Variants in FNIP1 observed in about 807,000 individuals in gnomAD.
The protein encoded by FNIP1 is folliculin interacting protein 1, also known as folliculin-interacting protein 1.
Under a neutral mutation model 124.5 loss-of-function variants are expected in FNIP1, and 40 were observed. That is an observed-to-expected ratio of 0.32 (90% CI 0.25 to 0.42). The LOEUF is 0.42. Ranked by LOEUF, FNIP1 falls within the 10% of genes least tolerant of loss-of-function variation. The pLI, the probability that FNIP1 is intolerant of heterozygous loss-of-function variation, is 1.00. For synonymous variants in FNIP1, 472 were observed against 470.6 expected (o/e 1.00, Z -0.04); for missense variants, 1,176 against 1,403.7 (o/e 0.84, Z 2.59).
At chr5:131,736,711 C>G (rs1770317818) in intron 2 of FNIP1, among the ~76,000 whole-genome samples, 1 of 152,210 alleles carries the variant, frequency 6.6e-6, no homozygotes, top group Non-Finnish European at 1.5e-5. Flanking sequence ...AGATTCTCAA[C>G]TGGATCCTTT....
At chr5:131,682,634 T>C (rs550623030) in intron 11 of FNIP1, among the ~76,000 whole-genome samples, 1 of 152,110 alleles carries the variant, frequency 6.6e-6, no homozygotes, top group East Asian at 1.9e-4. Flanking sequence ...CAAGAATCAC[T>C]TGAACCTGGG....
At chr5:131,699,391 A>G (rs1580765813) in intron 10 of FNIP1, among the ~76,000 whole-genome samples, 1 of 147,068 alleles carries the variant, frequency 6.8e-6, no homozygotes, top group East Asian at 2.0e-4. Context: ...ACTTCTGTTA[A>G]CTCCTTTTTT....
intron 11 of FNIP1, among the ~76,000 whole-genome samples, chr5:131,679,766 T>C (rs1462929909): frequency 6.6e-6 from 1 of 152,230 alleles, no homozygotes; most frequent in Non-Finnish European, 1.5e-5. Context: ...ATCACACAAT[T>C]AGCACAGTGC....
chr5:131,739,609 G>A (rs1770440053), intron 2 of FNIP1, among the ~76,000 whole-genome samples: 2 of 151,906 alleles, frequency 1.3e-5, no homozygotes, highest in African/African-American at 2.4e-5. Flanking sequence ...GTCAGGAGAT[G>A]GAGAACACCC....
intron 1 of FNIP1, among the ~76,000 whole-genome samples, chr5:131,774,916 GTATCTTCT>G (rs1771752764): frequency 6.6e-6 from 1 of 152,076 alleles, no homozygotes; most frequent in African/African-American, 2.4e-5. Flanking sequence ...AACTGCTATG[GTATCTTCT>G]ATTAATTTAT....
At chr5:131,763,521 T>C (rs935648362) in intron 1 of FNIP1, among the ~76,000 whole-genome samples, 4 of 151,980 alleles carry the variant, frequency 2.6e-5, no homozygotes, top group Non-Finnish European at 5.9e-5. Flanking sequence ...AAACTTATAT[T>C]TGTGGAGAAA....
At chr5:131,732,535 G>C (rs1049336432) in intron 2 of FNIP1, among the ~76,000 whole-genome samples, 12 of 152,166 alleles carry the variant, frequency 7.9e-5, no homozygotes, top group African/African-American at 2.9e-4. Context: ...TCCAGTTTCA[G>C]CTTTCTACAT....
At chr5:131,753,177 G>A (rs1396943331) in intron 1 of FNIP1, among the ~76,000 whole-genome samples, 1 of 152,128 alleles carries the variant, frequency 6.6e-6, no homozygotes, top group African/African-American at 2.4e-5. Context: ...ATAATATGAA[G>A]CCCTTGGAAC....
chr5:131,793,585 A>G (rs969901215), intron 1 of FNIP1, among the ~76,000 whole-genome samples: 2 of 152,222 alleles, frequency 1.3e-5, no homozygotes, highest in African/African-American at 4.8e-5. Flanking sequence ...CGATATGGTA[A>G]GAGACCTTAG....
intron 2 of FNIP1, among the ~76,000 whole-genome samples, chr5:131,732,565 A>G (rs1580793565): frequency 6.6e-6 from 1 of 152,174 alleles, no homozygotes; most frequent in Non-Finnish European, 1.5e-5. Context: ...CAGTTTTCCC[A>G]GCACCATTTG....
Position 131,779,663 on chromosome 5 carries a change from G to T in FNIP1, c.92+17167C>A, listed in dbSNP as rs1580833222. Among the ~76,000 whole-genome samples, 3 of 150,442 alleles carry T rather than the reference G, an allele frequency of 2.0e-5. No individual in the cohort carries two copies. The South Asian group carries it at 6.3e-4, about 31-fold the overall frequency. On this transcript the variant is annotated intron_variant, in intron 1 of 17. Transcript: ENST00000510461. ...ATATCGCACCACTGCACTCCAGCCT[G>T]GGCAACAGAGTGAGATTCTGTTTCA... is the stretch of plus-strand genomic sequence containing the variant.
intron 13 of FNIP1, among the ~76,000 whole-genome samples, chr5:131,675,039 C>T (rs1767872542): frequency 6.6e-6 from 1 of 152,196 alleles, no homozygotes; most frequent in African/African-American, 2.4e-5. Context: ...TCCCACTTTA[C>T]TTTTCCAGCT....
intron 13 of FNIP1, among the ~76,000 whole-genome samples, 186 bp from the exon 14 acceptor site, chr5:131,673,110 C>T (rs995494191): frequency 6.6e-6 from 1 of 150,854 alleles, no homozygotes; most frequent in Non-Finnish European, 1.5e-5. Flanking sequence ...TGCAGTGGTA[C>T]AATCATGGTT....
At chr5:131,736,640 T>C (rs1333353865) in intron 2 of FNIP1, among the ~76,000 whole-genome samples, 3 of 152,228 alleles carry the variant, frequency 2.0e-5, no homozygotes, top group Admixed American at 6.5e-5. Flanking sequence ...TCGAATCCTA[T>C]TGTGAACTGT....
chr5:131,672,890 C>A lies in FNIP1; in HGVS notation c.1554G>T (p.Arg518=), dbSNP rs777131462. ...TGCCAACTACCACAGTCCTTGCTAACCGTACGGGAGAGCCAATAGCGCCAT... is the reference window on the plus strand; with the variant it reads ...TGCCAACTACCACAGTCCTTGCTAAACGTACGGGAGAGCCAATAGCGCCAT... ...DLYGAIGSPV[R]LARTVVVGKR... The change falls in exon 14 of 18, where the codon CGG becomes CGT. Residue 518 remains arginine (R), a synonymous_variant. Coordinates refer to ENST00000510461, the MANE Select transcript of FNIP1 (RefSeq NM_133372.3). 8 of 1,586,934 alleles carry A rather than the reference C, an allele frequency of 5.0e-6. No individual in the cohort carries two copies. The highest frequency in any genetic ancestry group is 4.5e-5 in the East Asian group (2 of 44,604).
chr5:131,747,608 A>G (rs1770724623), intron 1 of FNIP1, among the ~76,000 whole-genome samples: 1 of 152,176 alleles, frequency 6.6e-6, no homozygotes, highest in African/African-American at 2.4e-5. Context: ...AAAAAGAACT[A>G]CCACGGGAGT....
At chr5:131,650,878 A>G (rs1485769393) in intron 16 of FNIP1, among the ~76,000 whole-genome samples, 1 of 152,230 alleles carries the variant, frequency 6.6e-6, no homozygotes, top group African/African-American at 2.4e-5. Context: ...AGAGGTTACC[A>G]GTATTATAAA....
intron 11 of FNIP1, among the ~76,000 whole-genome samples, chr5:131,696,067 C>G (rs1253566348): frequency 3.9e-5 from 6 of 152,190 alleles, no homozygotes; most frequent in African/African-American, 1.4e-4. Flanking sequence ...CAATACAACT[C>G]AAAGAAATTG....
intron 1 of FNIP1, among the ~76,000 whole-genome samples, chr5:131,763,889 T>C (rs755738203): frequency 2.4e-4 from 36 of 152,140 alleles, no homozygotes; most frequent in Non-Finnish European, 5.9e-5. Flanking sequence ...CCTTTTGATA[T>C]AGTTTGGATC....
Sources: gnomAD v4.1 joint callset for allele counts (sites outside exome capture counted in the v4.1 genomes callset) on GRCh38, gnomAD v4.1.1 for gene constraint, MANE v1.5 for transcripts, NCBI Gene and HGNC (gene_info 2026-07-23, HGNC 2026-07-21) for gene names.